PDE4B: variants seen among roughly 807,000 people sequenced by gnomAD.
PDE4B encodes phosphodiesterase 4B.
PDE4B carries 20 observed loss-of-function variants against 82.2 expected under a neutral mutation model. The observed-to-expected ratio is 0.24, with a 90% CI of 0.17 to 0.35. PDE4B has a LOEUF of 0.35. Among genes scored for constraint, PDE4B ranks in the 10% least tolerant of loss-of-function variants. The pLI is 1.00. For synonymous variants in PDE4B, 320 were observed against 318.9 expected (o/e 1.00, Z -0.04); for missense variants, 655 against 907.2 (o/e 0.72, Z 3.57).
intron 3 of PDE4B, among the ~76,000 whole-genome samples, chr1:66,004,831 T>G (rs1269258410): frequency 6.6e-6 from 1 of 151,988 alleles, no homozygotes; most frequent in African/African-American, 2.4e-5. Flanking sequence ...AACTGTTTAT[T>G]TATTTGTTTA....
intron 3 of PDE4B, among the ~76,000 whole-genome samples, chr1:66,097,311 A>G (rs1048488268): frequency 6.6e-6 from 1 of 152,088 alleles, no homozygotes; most frequent in African/African-American, 2.4e-5. Flanking sequence ...TGTCTTTGGT[A>G]TCACATTGTG....
intron 3 of PDE4B, among the ~76,000 whole-genome samples, chr1:66,089,356 A>G (rs553349889): frequency 1.3e-5 from 2 of 152,224 alleles, no homozygotes; most frequent in South Asian, 2.1e-4. Flanking sequence ...TATGGTGGCT[A>G]TCGCTCTCAG....
intron 1 of PDE4B, among the ~76,000 whole-genome samples, chr1:65,812,425 G>C (rs1645831057): frequency 6.6e-6 from 1 of 152,294 alleles, no homozygotes; most frequent in African/African-American, 2.4e-5. Flanking sequence ...ACCTGCTGCT[G>C]CTCTCCCTGA....
At chr1:66,247,738 A>G (rs1206397162) in intron 4 of PDE4B, 84 bp downstream of exon 4, 3 of 1,011,066 alleles carry the variant, frequency 3.0e-6, no homozygotes, top group Non-Finnish European at 4.3e-6. Flanking sequence ...ACAATTCCCC[A>G]TTAATCTATG....
At position 65,832,856 on chromosome 1, in the gene PDE4B, A is replaced by T. The variant is rs1272264635; in HGVS notation, c.-71+39608A>T. On this transcript the variant is annotated intron_variant, in intron 1 of 16. Coordinates refer to ENST00000341517, the MANE Select transcript of PDE4B (RefSeq NM_002600.4). ...GAGTATATTGCTCATTAAAGTTATT[A>T]GGTGGGTATAAATAGTATAGCAAAT... Among the ~76,000 whole-genome samples the T allele has an allele frequency of 1.3e-5, 2 of 152,220 alleles. 1 individual carries two copies. The highest frequency in any genetic ancestry group is 3.8e-4 in the East Asian group (2 of 5,204).
chr1:66,163,021 G>A (rs184618649), intron 3 of PDE4B, among the ~76,000 whole-genome samples: 76 of 152,110 alleles, frequency 5.0e-4, no homozygotes, highest in African/African-American at 1.8e-3. Context: ...CCTAAATCAG[G>A]GTAATAATGC....
At chr1:66,050,964 C>T (rs983938048) in intron 3 of PDE4B, among the ~76,000 whole-genome samples, 11 of 152,036 alleles carry the variant, frequency 7.2e-5, no homozygotes, top group Non-Finnish European at 1.5e-5. Flanking sequence ...CAGCCTGAGG[C>T]AGAGTGAGGA....
intron 3 of PDE4B, among the ~76,000 whole-genome samples, chr1:65,920,004 G>C (rs1647208564): frequency 6.6e-6 from 1 of 152,170 alleles, no homozygotes; most frequent in South Asian, 2.1e-4. Flanking sequence ...TACATCTTCT[G>C]TTCAGCTGAA....
chr1:66,239,483 G>A (rs1463244332), intron 3 of PDE4B, among the ~76,000 whole-genome samples: 2 of 152,176 alleles, frequency 1.3e-5, no homozygotes, highest in African/African-American at 4.8e-5. Context: ...TTGAAATCGA[G>A]TCTGTGAAAT....
intron 3 of PDE4B, among the ~76,000 whole-genome samples, chr1:66,160,401 T>C (rs896751253): frequency 2.0e-5 from 3 of 152,310 alleles, no homozygotes; most frequent in East Asian, 1.9e-4. Context: ...GAGCTCTACA[T>C]AGTGCAGTAA....
At chr1:65,890,410 A>G (rs959732666) in intron 1 of PDE4B, among the ~76,000 whole-genome samples, 6 of 152,072 alleles carry the variant, frequency 3.9e-5, no homozygotes, top group Non-Finnish European at 7.4e-5. Context: ...TCAGTGGATA[A>G]ACAGACTTTA....
chr1:65,821,500 A>C (rs999794890), intron 1 of PDE4B, among the ~76,000 whole-genome samples: 1 of 152,184 alleles, frequency 6.6e-6, no homozygotes, highest in Non-Finnish European at 1.5e-5. Context: ...TACTTTCTCC[A>C]GTCCTGGTCT....
chr1:66,021,136 A>G (rs767262762), intron 3 of PDE4B, among the ~76,000 whole-genome samples: 2 of 152,120 alleles, frequency 1.3e-5, no homozygotes, highest in Admixed American at 6.6e-5. Context: ...GTCTGTTTAT[A>G]TCCTTTGCCC....
chr1:66,002,539 C>T (rs1448371639), intron 3 of PDE4B, among the ~76,000 whole-genome samples: 1 of 151,726 alleles, frequency 6.6e-6, no homozygotes, highest in African/African-American at 2.4e-5. Context: ...TTTTCTTCCT[C>T]AAGAAGGAAG....
At chr1:66,220,372 CT>C (rs1219522221) in intron 3 of PDE4B, among the ~76,000 whole-genome samples, 9 of 152,126 alleles carry the variant, frequency 5.9e-5, no homozygotes, top group African/African-American at 2.2e-4. Context: ...TAAATTGTCT[CT>C]TCATAAGTTC....
chr1:66,142,011 C>A (rs968137849), intron 3 of PDE4B, among the ~76,000 whole-genome samples: 1 of 152,046 alleles, frequency 6.6e-6, no homozygotes, highest in Non-Finnish European at 1.5e-5. Flanking sequence ...ACTCAATTAA[C>A]ACATATTTGT....
Position 65,977,530 on chromosome 1 carries a change from A to G in PDE4B, c.281+58695A>G, listed in dbSNP as rs1264410257. ...CTGAGAAATATTTCAAATATTTAGC[A>G]GTAATAACCCCTCAGTGAATGTACA... On this transcript the variant is annotated intron_variant, in intron 3 of 16. Transcript: ENST00000341517. Among the ~76,000 whole-genome samples, 5 of 152,358 alleles carry G rather than the reference A, an allele frequency of 3.3e-5. No homozygotes were observed. The East Asian group carries it at 9.6e-4, about 29-fold the overall frequency.
At chr1:65,945,443 C>A (rs1648658878) in intron 3 of PDE4B, among the ~76,000 whole-genome samples, 1 of 151,884 alleles carries the variant, frequency 6.6e-6, no homozygotes, top group Non-Finnish European at 1.5e-5. Context: ...GAAAGGCAAA[C>A]CCAGACCAAG....
chr1:65,822,928 A>AT (rs957268025), intron 1 of PDE4B, among the ~76,000 whole-genome samples: 1 of 152,092 alleles, frequency 6.6e-6, no homozygotes, highest in South Asian at 2.1e-4. Context: ...ACTGCTCAAG[A>AT]TTTTTTTTCC....
Sources: allele counts gnomAD v4.1 joint callset (sites outside exome capture counted in the v4.1 genomes callset), GRCh38; gene constraint gnomAD v4.1.1; transcripts MANE v1.5; gene names NCBI Gene and HGNC (gene_info 2026-07-23, HGNC 2026-07-21).